The following FAM72A variants were observed in gnomAD, a reference collection of about 807,000 sequenced individuals.
The protein encoded by FAM72A is protein FAM72A.
FAM72A carries 1 observed loss-of-function variant against 11.3 expected under a neutral mutation model. The observed-to-expected ratio is 0.09, with a 90% confidence interval of 0.03 to 0.42. FAM72A has a LOEUF of 0.42. FAM72A is among the 10% of genes least tolerant of loss of function. The probability of loss-of-function intolerance (pLI) is 0.98; values close to 1 mark genes in which losing one functional copy is unlikely to be tolerated. For synonymous variants in FAM72A, 5 were observed against 46.9 expected (o/e 0.11, Z 3.65); for missense variants, 15 against 135.5 (o/e 0.11, Z 4.41).
At chr1:206,187,696 C>T (rs1449347756) in intron 3 of FAM72A, among the ~76,000 whole-genome samples, 1 of 152,078 alleles carries the variant, frequency 6.6e-6, no homozygotes, top group African/African-American at 2.4e-5. Flanking sequence ...TCCCAAGTCA[C>T]TGGGACTACA....
chr1:206,191,504 C>T (rs868944605), intron 3 of FAM72A, among the ~76,000 whole-genome samples: 7 of 150,164 alleles, frequency 4.7e-5, no homozygotes, highest in Middle Eastern at 3.4e-3. Context: ...TCTCGCTACT[C>T]GGGAGGCTGA....
chr1:206,191,721 ATTATTTTTTTTT>A (rs1458392166), intron 3 of FAM72A, among the ~76,000 whole-genome samples: 1 of 98,802 alleles, frequency 1.0e-5, no homozygotes, highest in Non-Finnish European at 1.9e-5. Flanking sequence ...TTACTAAAAT[ATTATTTTTTTTT>A]TTTTTTTTTT....
At chr1:206,196,600 A>G (rs1665069748) in intron 2 of FAM72A, among the ~76,000 whole-genome samples, 2 of 115,794 alleles carry the variant, frequency 1.7e-5, no homozygotes, top group African/African-American at 3.9e-5. Context: ...AAACTGTTTC[A>G]ACAGATGGAG....
chr1:206,192,900 T>G (rs1371650733), intron 3 of FAM72A, among the ~76,000 whole-genome samples: 1 of 151,594 alleles, frequency 6.6e-6, no homozygotes, highest in Non-Finnish European at 1.5e-5. Flanking sequence ...CAACAGATTT[T>G]TCTTTTCTTT....
At chr1:206,205,716 T>G, upstream of FAM72A, 1 of 544,304 alleles carries the variant, frequency 1.8e-6, no homozygotes, top group South Asian at 2.0e-5. Context: ...TCCCGGCTAA[T>G]GCTGAGGCTG....
chr1:206,187,371 C>A lies in FAM72A; in HGVS notation c.358G>T (p.Val120Leu), dbSNP rs782373895. ...YDINRLDSTG[V>L]NVLLWGNLPE... ...AAGTTGCCCCAAAGTAGGACGTTTA[C>A]ACCTGAAAATAAAAAGTCATAAAAT... The change falls in exon 4 of 4, where the codon GTA (valine) becomes TTA (leucine). Residue 120 changes from valine to leucine, a missense_variant and splice_region_variant. By Grantham distance (32) the Val-to-Leu change is conservative. This residue lies in a region of FAM72A where 10 missense variants were observed against 35.1 expected (regional missense o/e 0.29). Transcript: ENST00000367128. The A allele has an allele frequency of 1.9e-6, 3 of 1,611,384 alleles. No homozygotes were observed. The highest frequency in any genetic ancestry group is 2.5e-6 in the Non-Finnish European group (3 of 1,179,634).
At chr1:206,196,864 T>C (rs1401854936) in intron 2 of FAM72A, among the ~76,000 whole-genome samples, 6 of 150,352 alleles carry the variant, frequency 4.0e-5, no homozygotes, top group Non-Finnish European at 5.9e-5. Context: ...TAGCTAGTAC[T>C]TTAAAAAAAA....
chr1:206,189,540 A>G (rs1363013368), intron 3 of FAM72A, among the ~76,000 whole-genome samples: 5 of 134,228 alleles, frequency 3.7e-5, no homozygotes, highest in Non-Finnish European at 7.6e-5. Context: ...AACTGTAAGG[A>G]ATTGCGAGGC....
chr1:206,191,706 C>A (rs1664806786), intron 3 of FAM72A, among the ~76,000 whole-genome samples: 2 of 137,226 alleles, frequency 1.5e-5, no homozygotes, highest in African/African-American at 5.8e-5. Flanking sequence ...TGGTAGTGTA[C>A]TTTCTTACTA....
intron 2 of FAM72A, among the ~76,000 whole-genome samples, chr1:206,198,554 C>A (rs1665192818): frequency 6.8e-6 from 1 of 147,658 alleles, no homozygotes; most frequent in African/African-American, 2.5e-5. Context: ...TTAGGATTGT[C>A]ATTTATAATA....
In FAM72A at chr1:206,187,333, T is replaced by C; in HGVS notation, c.396A>G (p.Glu132=). The change falls in exon 4 of 4, where the codon GAA becomes GAG. Residue 132 remains glutamate, a synonymous_variant. Coordinates refer to ENST00000367128, the MANE Select transcript of FAM72A (RefSeq NM_001123168.3). ...TTAACACATCTTCATCTGTACTCTC[T>C]TCTATCTCTGGCAAGTTGCCCCAAA... ...VLLWGNLPEI[E]ESTDEDVLNI... is the part of the protein sequence containing the mutation. The C allele has an allele frequency of 6.2e-7, 1 of 1,611,546 alleles. No homozygotes were observed.
chr1:206,191,835 T>G (rs1170672448), intron 3 of FAM72A, among the ~76,000 whole-genome samples: 1 of 139,568 alleles, frequency 7.2e-6, no homozygotes, highest in Non-Finnish European at 1.5e-5. Context: ...TCAAGGGGGG[T>G]TTCATCATAT....
chr1:206,198,795 T>C (rs1325045990), intron 2 of FAM72A, among the ~76,000 whole-genome samples: 2 of 128,366 alleles, frequency 1.6e-5, no homozygotes, highest in Non-Finnish European at 3.3e-5. Context: ...AATGGCTGGG[T>C]GGGGTGGCTC....
chr1:206,191,653 C>CA, intron 3 of FAM72A, among the ~76,000 whole-genome samples: 1 of 140,418 alleles, frequency 7.1e-6, no homozygotes, highest in African/African-American at 3.0e-5. Context: ...TGCCTCAGCA[C>CA]CTTAACACAA....
At chr1:206,191,501 A>C (rs1553297564) in intron 3 of FAM72A, among the ~76,000 whole-genome samples, 10 of 150,266 alleles carry the variant, frequency 6.7e-5, no homozygotes, top group Non-Finnish European at 1.5e-5. Flanking sequence ...TAATCTCGCT[A>C]CTCGGGAGGC....
chr1:206,193,672 G>A (rs1341563950), intron 3 of FAM72A, among the ~76,000 whole-genome samples: 11 of 152,150 alleles, frequency 7.2e-5, no homozygotes, highest in East Asian at 1.9e-4. Flanking sequence ...TTACCGTTCC[G>A]AAATTTCTAG....
intron 2 of FAM72A, among the ~76,000 whole-genome samples, chr1:206,198,738 ATAAGG>A (rs1665203617): frequency 6.7e-6 from 1 of 148,804 alleles, no homozygotes; most frequent in Admixed American, 6.7e-5. Context: ...TAATAACTTG[ATAAGG>A]TAAACACAGA....
chr1:206,198,507 C>G (rs1214047062), intron 2 of FAM72A, among the ~76,000 whole-genome samples: 1 of 143,282 alleles, frequency 7.0e-6, no homozygotes, highest in East Asian at 2.0e-4. Flanking sequence ...GGAATGAAAT[C>G]AAATAGCACA....
At chr1:206,205,202 G>A (rs1665805418), upstream of FAM72A, 1 of 151,934 alleles carries the variant, frequency 6.6e-6, no homozygotes, top group African/African-American at 2.4e-5. Flanking sequence ...TCCCCGCCCG[G>A]AGCCCGCGCA....
Sources: gnomAD v4.1 joint callset for allele counts (sites outside exome capture counted in the v4.1 genomes callset) on GRCh38, gnomAD v4.1.1 for gene constraint, gnomAD v4.1.1 regional missense constraint, MANE v1.5 for transcripts, NCBI Gene and HGNC (gene_info 2026-07-23, HGNC 2026-07-21) for gene names.